KANK1: variants seen among roughly 807,000 people sequenced by gnomAD.
The protein encoded by KANK1 is KN motif and ankyrin repeat domains 1, also known as KN motif and ankyrin repeat domain-containing protein 1.
A neutral mutation model predicts 106.2 loss-of-function variants in KANK1; 109 were observed. The observed-to-expected ratio is 1.03, with a 90% CI of 0.88 to 1.20. The LOEUF is 1.20. Among genes scored for constraint, KANK1 ranks in the 50% most tolerant of loss-of-function variants. The pLI is 0.00. For synonymous variants in KANK1, 873 were observed against 652.2 expected (o/e 1.34, Z -5.16); for missense variants, 2,399 against 1,710.7 (o/e 1.40, Z -7.10).
In KANK1 at chr9:643,088, C is replaced by G. The variant is rs1002588664; in HGVS notation, c.-83-33802C>G. ...GATAGGTCATTTTTCAGATTCTGGT[C>G]AGATCACCATTTGGAAAGATCTTAT... On this transcript the variant is annotated intron_variant, in intron 1 of 11. Transcript: ENST00000382297. 6.0e-5 allele frequency among the ~76,000 whole-genome samples: 9 copies of G among 150,686 alleles called. 1 individual carries two copies. The highest frequency in any genetic ancestry group is 2.2e-4 in the African/African-American group (9 of 40,078).
chr9:625,445 T>A (rs1238237271), intron 1 of KANK1, among the ~76,000 whole-genome samples: 1 of 152,302 alleles, frequency 6.6e-6, no homozygotes, highest in Admixed American at 6.5e-5. Context: ...ACTGGGCAAA[T>A]CTTGGGCCTC....
intron 2 of KANK1, chr9:706,765 G>C (rs1237241009): frequency 1.2e-5 from 12 of 985,290 alleles, no homozygotes; most frequent in African/African-American, 1.7e-5. Context: ...GAACCAGTGA[G>C]TGCTGCCCGG....
At chr9:640,453 A>G (rs1348437472) in intron 1 of KANK1, among the ~76,000 whole-genome samples, 1 of 150,360 alleles carries the variant, frequency 6.7e-6, no homozygotes, top group Non-Finnish European at 1.5e-5. Context: ...ACTGGAGTGC[A>G]ATGGTGTAAT....
chr9:712,765 CG>C lies in KANK1; in HGVS notation c.2000del (p.Arg667LeufsTer26). On this transcript the variant is annotated frameshift_variant, in exon 3 of 12. Coordinates refer to ENST00000382297, the MANE Select transcript of KANK1 (RefSeq NM_015158.5). LOFTEE classifies it high-confidence loss of function. ...QVEAAVMAVPRTADQDTSTDL... is the reference protein window; with the variant it reads ...QVEAAVMAVPXTADQDTSTDL... ...GGAAGCTGCCGTCATGGCAGTGCCT[CG>C]TACTGCAGACCAGGACACTAGCACA... 1.2e-6 allele frequency: 2 copies of C among 1,613,790 alleles called. No individual in the cohort carries two copies. Among genetic ancestry groups the C allele is most frequent in the Non-Finnish European group, 1.7e-6 (2 of 1,179,860 alleles).
chr9:557,725 C>G (rs947331452), intron 1 of KANK1, among the ~76,000 whole-genome samples: 9 of 152,190 alleles, frequency 5.9e-5, no homozygotes, highest in African/African-American at 9.7e-5. Flanking sequence ...CTAAGGAAAT[C>G]TGTTTTGTAA....
chr9:615,665 G>A (rs1831640525), intron 1 of KANK1, among the ~76,000 whole-genome samples: 1 of 152,036 alleles, frequency 6.6e-6, no homozygotes, highest in African/African-American at 2.4e-5. Context: ...TTCCCTGGTT[G>A]GTCTTTGCAT....
intron 3 of KANK1, chr9:473,322 A>G (rs1435819281): frequency 6.6e-6 from 1 of 152,226 alleles, no homozygotes; most frequent in Non-Finnish European, 1.5e-5. Flanking sequence ...GCATTGAAAC[A>G]GAGGAAAATC....
intron 1 of KANK1, among the ~76,000 whole-genome samples, chr9:664,324 T>G (rs1844070557): frequency 6.6e-6 from 1 of 152,196 alleles, no homozygotes; most frequent in Admixed American, 6.5e-5. Flanking sequence ...CATGCGACAT[T>G]GTCTTTCTGT....
At chr9:509,022 G>A (rs768410932) in intron 1 of KANK1, among the ~76,000 whole-genome samples, 8 of 152,216 alleles carry the variant, frequency 5.3e-5, no homozygotes, top group Non-Finnish European at 1.2e-4. Context: ...CGTAGTGTGA[G>A]AGAGTTCTGT....
chr9:615,805 T>G (rs1163719217), intron 1 of KANK1, among the ~76,000 whole-genome samples: 1 of 152,170 alleles, frequency 6.6e-6, no homozygotes, highest in Non-Finnish European at 1.5e-5. Context: ...AAGTGATACC[T>G]AACCTAGCTA....
At chr9:519,182 G>T (rs4742064) in intron 1 of KANK1, among the ~76,000 whole-genome samples, 87 of 151,446 alleles carry the variant, frequency 5.7e-4, no homozygotes, top group Admixed American at 9.8e-4. Flanking sequence ...GAGACACTGC[G>T]CCCAGTGTCT....
intron 1 of KANK1, among the ~76,000 whole-genome samples, chr9:620,958 G>T (rs1363768818): frequency 1.3e-5 from 2 of 152,076 alleles, no homozygotes; most frequent in Non-Finnish European, 2.9e-5. Flanking sequence ...GTCATCATTT[G>T]ATTAACCAGA....
chr9:563,382 A>G (rs777510247), intron 1 of KANK1, among the ~76,000 whole-genome samples: 2 of 152,316 alleles, frequency 1.3e-5, no homozygotes, highest in African/African-American at 2.4e-5. Flanking sequence ...CTGAACAGCC[A>G]TTGTGTAACT....
intron 1 of KANK1, among the ~76,000 whole-genome samples, chr9:592,285 T>G (rs1825108785): frequency 6.6e-6 from 1 of 151,914 alleles, no homozygotes; most frequent in Admixed American, 6.5e-5. Context: ...CCTCAGAACC[T>G]GGCCTTTAAT....
intron 3 of KANK1, among the ~76,000 whole-genome samples, chr9:490,290 G>A (rs903683512): frequency 1.3e-5 from 2 of 152,134 alleles, no homozygotes; most frequent in Non-Finnish European, 1.5e-5. Flanking sequence ...AGGATTGCTT[G>A]AGCTCAGGAG....
intron 2 of KANK1, among the ~76,000 whole-genome samples, chr9:705,296 GC>G (rs1823778213): frequency 6.6e-6 from 1 of 152,002 alleles, no homozygotes; most frequent in African/African-American, 2.4e-5. Context: ...GACCAGCCTG[GC>G]CAACATAGTG....
intron 3 of KANK1, among the ~76,000 whole-genome samples, chr9:497,658 G>C (rs2132405542): frequency 6.6e-6 from 1 of 152,296 alleles, no homozygotes; most frequent in South Asian, 2.1e-4. Context: ...TTTGAGATCA[G>C]CCTGGGAAAC....
intron 7 of KANK1, among the ~76,000 whole-genome samples, chr9:737,175 C>A (rs1190653590): frequency 6.6e-6 from 1 of 152,176 alleles, no homozygotes. Flanking sequence ...CATAATTTCC[C>A]TTCTTTCAGT....
intron 1 of KANK1, among the ~76,000 whole-genome samples, chr9:595,671 A>C (rs891967174): frequency 6.6e-6 from 1 of 151,746 alleles, no homozygotes; most frequent in Non-Finnish European, 1.5e-5. Context: ...GACTGCAGGA[A>C]TGCACCACCA....
Sources: gnomAD v4.1 joint callset for allele counts (sites outside exome capture counted in the v4.1 genomes callset) on GRCh38, gnomAD v4.1.1 for gene constraint, MANE v1.5 for transcripts, NCBI Gene and HGNC (gene_info 2026-07-23, HGNC 2026-07-21) for gene names.